The following CA13 variants were observed in gnomAD, a reference collection of about 807,000 sequenced individuals.
CA13 encodes the protein CA-XIII.
A neutral mutation model predicts 31.5 loss-of-function variants in CA13; 21 were observed. The observed-to-expected ratio is 0.67, with a 90% confidence interval of 0.47 to 0.96. The LOEUF (loss-of-function observed/expected upper bound fraction) is 0.96. CA13 is among the 40% of genes least tolerant of loss of function. The pLI, the probability that CA13 is intolerant of heterozygous loss-of-function variation, is 0.00. For synonymous variants in CA13, 117 were observed against 111.4 expected (o/e 1.05, Z -0.32); for missense variants, 315 against 318.9 (o/e 0.99, Z 0.09).
In CA13 at chr8:85,281,922, C is replaced by T. The variant is rs1807714812; in HGVS notation, c.*573C>T. The T allele has an allele frequency of 6.6e-6, 1 of 152,150 alleles. No individual in the cohort carries two copies. Among genetic ancestry groups the T allele is most frequent in the Non-Finnish European group, 1.5e-5 (1 of 68,022 alleles). The allele number at this position is 152,150 out of a possible 1,614,324, so 9.4% of individuals were successfully genotyped here. A position where few individuals can be genotyped will look rare whatever the true frequency, so the allele number is the denominator to read the frequency against. On this transcript the variant is annotated 3_prime_UTR_variant, in exon 7 of 7. Transcript: ENST00000321764. ...TAAAACCCATGAAATATGTCTACTTCAACCTGTGTGAAAATATAGTTAACA... is the reference window on the plus strand; with the variant it reads ...TAAAACCCATGAAATATGTCTACTTTAACCTGTGTGAAAATATAGTTAACA...
At chr8:85,264,018 T>C (rs1474578462) in intron 3 of CA13, among the ~76,000 whole-genome samples, 1 of 152,158 alleles carries the variant, frequency 6.6e-6, no homozygotes, top group Non-Finnish European at 1.5e-5. Context: ...TTGCAACATA[T>C]ACAACTTTAA....
intron 2 of CA13, among the ~76,000 whole-genome samples, chr8:85,257,585 G>A (rs1441171624): frequency 2.0e-5 from 3 of 151,474 alleles, no homozygotes; most frequent in Non-Finnish European, 4.4e-5. Context: ...CTAGCTGGAC[G>A]TAGCTGTGTG....
intron 1 of CA13, among the ~76,000 whole-genome samples, chr8:85,248,013 C>G (rs1813760920): frequency 6.6e-6 from 1 of 152,160 alleles, no homozygotes; most frequent in Non-Finnish European, 1.5e-5. Context: ...TGAAAGGGTA[C>G]TGCCTTCACA....
intron 1 of CA13, chr8:85,249,757 T>G (rs967287958): frequency 3.1e-5 from 12 of 383,646 alleles, no homozygotes; most frequent in Non-Finnish European, 5.2e-5. Context: ...ATTTCAGGAA[T>G]AGTAGAGAGA....
At chr8:85,246,969 TA>T (rs1813743931) in intron 1 of CA13, among the ~76,000 whole-genome samples, 1 of 152,210 alleles carries the variant, frequency 6.6e-6, no homozygotes, top group African/African-American at 2.4e-5. Context: ...TTTCACAAAC[TA>T]ACAGAAAAAT....
intron 6 of CA13, among the ~76,000 whole-genome samples, chr8:85,273,872 G>C (rs898064662): frequency 2.0e-5 from 3 of 152,046 alleles, no homozygotes; most frequent in African/African-American, 7.2e-5. Context: ...GGGTGCAGAC[G>C]GGCTGAGGTC....
chr8:85,246,078 T>C (rs763672760), intron 1 of CA13, among the ~76,000 whole-genome samples: 17 of 152,172 alleles, frequency 1.1e-4, no homozygotes, highest in Non-Finnish European at 1.9e-4. Flanking sequence ...GATGTGAGCG[T>C]TGGTGTGTGT....
rs973562731 is a variant in CA13 at position 85,281,992 on chromosome 8, A to G, written c.*643A>G. 11 of 152,230 alleles carry G rather than the reference A, an allele frequency of 7.2e-5. No homozygotes were observed. The highest frequency in any genetic ancestry group is 2.7e-4 in the African/African-American group (11 of 41,456). The allele number at this position is 152,230 out of a possible 1,614,324, so 9.4% of individuals were successfully genotyped here. A position where few individuals can be genotyped will look rare whatever the true frequency, so the allele number is the denominator to read the frequency against. ...TTAAAAATTTTACCTTGCCATAGAG[A>G]CTGAATTAGTCACAGCTCTCAGTGA... On this transcript the variant is annotated 3_prime_UTR_variant, in exon 7 of 7. Coordinates refer to ENST00000321764, the MANE Select transcript of CA13 (RefSeq NM_198584.3).
intron 3 of CA13, among the ~76,000 whole-genome samples, chr8:85,264,067 G>C (rs912108907): frequency 2.0e-5 from 3 of 152,130 alleles, no homozygotes; most frequent in African/African-American, 7.2e-5. Context: ...ATTACAGAGA[G>C]ATTAAAGTGA....
At chr8:85,279,533 C>G (rs1169217872) in intron 6 of CA13, among the ~76,000 whole-genome samples, 5 of 152,208 alleles carry the variant, frequency 3.3e-5, no homozygotes, top group Admixed American at 2.0e-4. Flanking sequence ...GAGCTGAAGT[C>G]AGATCCAATT....
At chr8:85,274,268 AT>A (rs1396501024) in intron 6 of CA13, among the ~76,000 whole-genome samples, 1 of 152,046 alleles carries the variant, frequency 6.6e-6, no homozygotes, top group Admixed American at 6.6e-5. Flanking sequence ...GAAAAACTTA[AT>A]TTTTTGGGGT....
chr8:85,269,508 AAG>A (rs1260543537), intron 6 of CA13, among the ~76,000 whole-genome samples: 2 of 152,120 alleles, frequency 1.3e-5, no homozygotes, highest in Non-Finnish European at 2.9e-5. Context: ...AAGAAGAGGA[AAG>A]AGAGAGAAAG....
At chr8:85,264,962 G>A (rs1388694820) in intron 3 of CA13, among the ~76,000 whole-genome samples, 1 of 152,130 alleles carries the variant, frequency 6.6e-6, no homozygotes, top group Non-Finnish European at 1.5e-5. Flanking sequence ...TTGATTGTTT[G>A]TGCATGATGC....
At chr8:85,266,041 T>C (rs1363170131) in intron 3 of CA13, among the ~76,000 whole-genome samples, 1 of 152,186 alleles carries the variant, frequency 6.6e-6, no homozygotes, top group East Asian at 1.9e-4. Flanking sequence ...CCCTCTTCCA[T>C]GGACTTTACT....
chr8:85,246,438 C>CTACT, intron 1 of CA13: 1 of 456,044 alleles, frequency 2.2e-6, no homozygotes, highest in Non-Finnish European at 4.4e-6. Flanking sequence ...AGTTGGCTGA[C>CTACT]TACTACTGGG....
chr8:85,252,484 G>A (rs1035367259), intron 2 of CA13, among the ~76,000 whole-genome samples: 4 of 152,078 alleles, frequency 2.6e-5, no homozygotes, highest in Non-Finnish European at 5.9e-5. Flanking sequence ...TCTTGGGATA[G>A]TGTCTTTCAC....
chr8:85,281,316 A>G lies in CA13; in HGVS notation c.756A>G (p.Leu252=). 6.2e-7 allele frequency: 1 copy of G among 1,613,926 alleles called. No homozygotes were observed. The highest frequency in any genetic ancestry group is 8.5e-7 in the Non-Finnish European group (1 of 1,179,916). ...LVSNHRPPQP[L]KGRKVRASFH Reference sequence around the variant, plus strand: ...GCAATCACCGCCCACCACAGCCTCTAAAGGGCCGCAAAGTGAGAGCCTCTT... The same window carrying G: ...GCAATCACCGCCCACCACAGCCTCTGAAGGGCCGCAAAGTGAGAGCCTCTT... Residue 252 remains leucine (L), a synonymous_variant, in exon 7 of 7, where the codon CTA becomes CTG. Coordinates refer to ENST00000321764, the MANE Select transcript of CA13 (RefSeq NM_198584.3).
At chr8:85,245,978 C>T (rs1813720336) in intron 1 of CA13, 113 bp downstream of exon 1, 11 of 1,241,634 alleles carry the variant, frequency 8.9e-6, no homozygotes, top group South Asian at 1.2e-5. Flanking sequence ...GAAACTTTTT[C>T]GGTTCCTCTT....
At chr8:85,267,338 C>T (rs952801422) in intron 4 of CA13, 43 of 982,546 alleles carry the variant, frequency 4.4e-5, no homozygotes, top group Non-Finnish European at 2.2e-5. Flanking sequence ...CGGCAGGATC[C>T]GGGTGCTTTA....
Sources: gnomAD v4.1 joint callset for allele counts (sites outside exome capture counted in the v4.1 genomes callset) on GRCh38, gnomAD v4.1.1 for gene constraint, MANE v1.5 for transcripts, NCBI Gene and HGNC (gene_info 2026-07-23, HGNC 2026-07-21) for gene names.